Variants in RIMS2 observed in about 807,000 individuals in gnomAD.
RIMS2 encodes the protein regulating synaptic membrane exocytosis protein 2.
Under a neutral mutation model 174.4 loss-of-function variants are expected in RIMS2, and 59 were observed. The observed-to-expected ratio is 0.34, with a 90% CI of 0.27 to 0.42. The LOEUF (loss-of-function observed/expected upper bound fraction) is 0.42. Among genes scored for constraint, RIMS2 ranks in the 10% least tolerant of loss-of-function variants. The pLI, the probability that RIMS2 is intolerant of heterozygous loss-of-function variation, is 1.00. For missense variants in RIMS2, 1,620 were observed against 1,666.3 expected (o/e 0.97, Z 0.48); for synonymous variants, 606 against 572.5 (o/e 1.06, Z -0.84).
At position 104,143,099 on chromosome 8, in the gene RIMS2, G is replaced by A. The variant is rs189831129; in HGVS notation, c.3335-101817G>A. On this transcript the variant is annotated intron_variant, in intron 19 of 23. Transcript: ENST00000504942. ...CAAGTTCTTATGCAGCCTTATTTGC[G>A]TTTTATATGCTGATATTTGCCAGCA... is the stretch of plus-strand genomic sequence containing the variant. Among the ~76,000 whole-genome samples the A allele has an allele frequency of 1.6e-4, 24 of 152,158 alleles. No individual in the cohort carries two copies. The East Asian group carries it at 2.3e-3, about 15-fold the overall frequency.
chr8:104,055,184 C>G (rs2096848709), intron 19 of RIMS2, among the ~76,000 whole-genome samples: 1 of 151,922 alleles, frequency 6.6e-6, no homozygotes, highest in Non-Finnish European at 1.5e-5. Context: ...GTAAAAGATA[C>G]TTTTAATACT....
chr8:104,125,783 T>C (rs574278219), intron 19 of RIMS2, among the ~76,000 whole-genome samples: 1 of 152,322 alleles, frequency 6.6e-6, no homozygotes, highest in East Asian at 1.9e-4. Flanking sequence ...AAAATTATAA[T>C]TCTAAAACCT....
At chr8:103,869,193 C>CTTT (rs758281100) in intron 3 of RIMS2, among the ~76,000 whole-genome samples, 1 of 131,198 alleles carries the variant, frequency 7.6e-6, no homozygotes. Context: ...ACCAGGAACA[C>CTTT]TTTTTTTTTT....
chr8:104,231,812 T>TTA (rs1391375402), intron 19 of RIMS2, among the ~76,000 whole-genome samples: 2 of 152,244 alleles, frequency 1.3e-5, no homozygotes. Context: ...ACATGAGGTA[T>TTA]TAGCCACATG....
At chr8:103,594,560 C>G (rs1237573438) in intron 1 of RIMS2, among the ~76,000 whole-genome samples, 1 of 151,600 alleles carries the variant, frequency 6.6e-6, no homozygotes, top group Non-Finnish European at 1.5e-5. Context: ...AGCAGTAGTT[C>G]AGTATTTGCT....
chr8:104,108,263 T>A (rs761375480), intron 19 of RIMS2, among the ~76,000 whole-genome samples: 1 of 152,148 alleles, frequency 6.6e-6, no homozygotes, highest in Non-Finnish European at 1.5e-5. Flanking sequence ...GACAAGGGTC[T>A]TGTTTTATCA....
chr8:103,671,817 A>G (rs1043516326), intron 1 of RIMS2, among the ~76,000 whole-genome samples: 11 of 152,200 alleles, frequency 7.2e-5, no homozygotes, highest in African/African-American at 2.7e-4. Flanking sequence ...TTTGGAACAT[A>G]TATTAATAAC....
intron 3 of RIMS2, among the ~76,000 whole-genome samples, chr8:103,879,316 A>G (rs1594420235): frequency 6.6e-6 from 1 of 151,476 alleles, no homozygotes; most frequent in East Asian, 1.9e-4. Context: ...CTGAGGGGGT[A>G]AAAGTGAATG....
chr8:103,723,719 C>G (rs1460291582), intron 2 of RIMS2, among the ~76,000 whole-genome samples: 1 of 152,180 alleles, frequency 6.6e-6, no homozygotes, highest in African/African-American at 2.4e-5. Context: ...TGGGCGCTAG[C>G]CTGGTGATGG....
At chr8:103,582,530 A>G (rs527545044) in intron 1 of RIMS2, among the ~76,000 whole-genome samples, 61 of 152,246 alleles carry the variant, frequency 4.0e-4, no homozygotes, top group African/African-American at 1.3e-3. Context: ...GTATTTCTGG[A>G]TGTGTCCTGG....
chr8:104,174,216 G>A (rs2098853792), intron 19 of RIMS2, among the ~76,000 whole-genome samples: 1 of 152,050 alleles, frequency 6.6e-6, no homozygotes, highest in African/African-American at 2.4e-5. Flanking sequence ...CAAAGTGCAG[G>A]GATTACAGGC....
chr8:103,882,595 A>G (rs1209140827), intron 3 of RIMS2, among the ~76,000 whole-genome samples: 3 of 151,610 alleles, frequency 2.0e-5, no homozygotes, highest in African/African-American at 7.3e-5. Context: ...TATAGTGGTT[A>G]TAATCTTAAA....
intron 1 of RIMS2, among the ~76,000 whole-genome samples, chr8:103,512,655 A>G (rs1586538809): frequency 6.6e-6 from 1 of 152,220 alleles, no homozygotes; most frequent in African/African-American, 2.4e-5. Flanking sequence ...GAGAAGGACA[A>G]TCCTATCATG....
At chr8:103,720,242 T>C (rs890826901) in intron 2 of RIMS2, among the ~76,000 whole-genome samples, 10 of 152,234 alleles carry the variant, frequency 6.6e-5, no homozygotes, top group African/African-American at 2.2e-4. Context: ...TTTAAGCACA[T>C]AGGCCTTCAT....
At chr8:103,737,222 C>T (rs190419868) in intron 2 of RIMS2, among the ~76,000 whole-genome samples, 33 of 140,730 alleles carry the variant, frequency 2.3e-4, no homozygotes, top group Non-Finnish European at 3.6e-4. Context: ...CTTACTCTGC[C>T]ACCCAGGCTG....
chr8:103,893,048 G>C (rs2099256311), intron 4 of RIMS2, among the ~76,000 whole-genome samples: 1 of 151,900 alleles, frequency 6.6e-6, no homozygotes, highest in Admixed American at 6.6e-5. Flanking sequence ...ATTTATAATT[G>C]ACCTGAAAAA....
At chr8:103,553,944 A>C (rs1849238984) in intron 1 of RIMS2, among the ~76,000 whole-genome samples, 2 of 63,302 alleles carry the variant, frequency 3.2e-5, no homozygotes, top group South Asian at 7.1e-4. Flanking sequence ...AAAGTCTAGC[A>C]GTGGGAAAAG....
At chr8:103,989,053 T>A (rs887113697) in intron 16 of RIMS2, among the ~76,000 whole-genome samples, 1 of 152,182 alleles carries the variant, frequency 6.6e-6, no homozygotes, top group African/African-American at 2.4e-5. Context: ...TATATGATAG[T>A]CCTTATCATA....
chr8:104,185,737 G>A (rs148897154), intron 19 of RIMS2, among the ~76,000 whole-genome samples: 468 of 151,534 alleles, frequency 3.1e-3, no homozygotes, highest in African/African-American at 0.01. Context: ...CAAAAAATAA[G>A]AGATGTTGGC....
Sources: gnomAD v4.1 joint callset for allele counts (sites outside exome capture counted in the v4.1 genomes callset) on GRCh38, gnomAD v4.1.1 for gene constraint, MANE v1.5 for transcripts, NCBI Gene and HGNC (gene_info 2026-07-23, HGNC 2026-07-21) for gene names.